The following EPHA3 variants were observed in gnomAD, a reference collection of about 807,000 sequenced individuals.
EPHA3 encodes ephrin type-A receptor 3.
Under a neutral mutation model 107.1 loss-of-function variants are expected in EPHA3, and 42 were observed. The observed-to-expected ratio is 0.39, with a 90% confidence interval of 0.31 to 0.51. The LOEUF is 0.51. Among genes scored for constraint, EPHA3 ranks in the 20% least tolerant of loss-of-function variants. EPHA3 has a pLI of 0.78. For missense variants in EPHA3, 1,183 were observed against 1,211.2 expected, an observed-to-expected ratio of 0.98 and a Z score of 0.35; for synonymous variants, 461 against 424.8, an observed-to-expected ratio of 1.09 and a Z score of -1.05.
intron 1 of EPHA3, among the ~76,000 whole-genome samples, chr3:89,116,515 G>A (rs890220606): frequency 6.6e-6 from 1 of 152,046 alleles, no homozygotes; most frequent in Non-Finnish European, 1.5e-5. Context: ...TTGAGAAAAG[G>A]TAGCTAAAAC....
intron 3 of EPHA3, among the ~76,000 whole-genome samples, chr3:89,327,699 A>G (rs1707195579): frequency 6.6e-6 from 1 of 152,122 alleles, no homozygotes; most frequent in Non-Finnish European, 1.5e-5. Context: ...TCTGAAGTGC[A>G]TCAATATACC....
chr3:89,230,939 C>T (rs757077410), intron 3 of EPHA3, among the ~76,000 whole-genome samples: 82 of 151,970 alleles, frequency 5.4e-4, no homozygotes, highest in Non-Finnish European at 8.7e-4. Flanking sequence ...TCGTGCCCAT[C>T]ATTGGCTTTC....
chr3:89,137,626 C>T (rs1397218421), intron 2 of EPHA3, among the ~76,000 whole-genome samples: 3 of 151,800 alleles, frequency 2.0e-5, no homozygotes, highest in Non-Finnish European at 4.4e-5. Flanking sequence ...TTTTTTCCTA[C>T]ATATGATGCT....
Position 89,481,522 on chromosome 3 carries a change from T to C in EPHA3, c.*2020T>C, listed in dbSNP as rs1477457106. The C allele has an allele frequency of 4.3e-6, 1 of 232,332 alleles. No individual in the cohort carries two copies. The highest frequency in any genetic ancestry group is 2.2e-5 in the African/African-American group (1 of 45,312). The allele number at this position is 232,332 out of a possible 1,614,324, so 14.4% of individuals were successfully genotyped here. A position where few individuals can be genotyped will look rare whatever the true frequency, so the allele number is the denominator to read the frequency against. ...TTTTTTCCCAGACTACTATTTTCTT[T>C]TTTAGGTACTATTCTGAGCATACTC... On this transcript the variant is annotated 3_prime_UTR_variant, in exon 17 of 17. Coordinates refer to ENST00000336596, the MANE Select transcript of EPHA3 (RefSeq NM_005233.6).
intron 5 of EPHA3, among the ~76,000 whole-genome samples, chr3:89,377,821 A>G (rs1708430077): frequency 1.3e-5 from 2 of 152,150 alleles, no homozygotes; most frequent in Admixed American, 6.5e-5. Flanking sequence ...TGCTTATATA[A>G]TAGTTTCATA....
intron 1 of EPHA3, among the ~76,000 whole-genome samples, chr3:89,119,319 C>T (rs111343933): frequency 0.016 from 2,423 of 152,062 alleles, 62 homozygotes; most frequent in African/African-American, 0.052. Context: ...ACTACACTAC[C>T]CAAAAATATC....
intron 16 of EPHA3, among the ~76,000 whole-genome samples, chr3:89,473,084 G>C (rs1710438971): frequency 6.6e-6 from 1 of 152,154 alleles, no homozygotes; most frequent in African/African-American, 2.4e-5. Context: ...TCTAAAACTG[G>C]TTTTCATAGT....
intron 3 of EPHA3, among the ~76,000 whole-genome samples, chr3:89,297,913 TA>T (rs1303038480): frequency 6.6e-6 from 1 of 152,086 alleles, no homozygotes; most frequent in African/African-American, 2.4e-5. Flanking sequence ...TGCATGCCTG[TA>T]ATCCCGGCTA....
At chr3:89,247,578 A>G (rs1177344949) in intron 3 of EPHA3, among the ~76,000 whole-genome samples, 4 of 152,134 alleles carry the variant, frequency 2.6e-5, no homozygotes. Flanking sequence ...CCAAAAGTAC[A>G]TAGGATTTGA....
chr3:89,478,752 G>A (rs901241794), intron 16 of EPHA3, among the ~76,000 whole-genome samples: 1 of 152,144 alleles, frequency 6.6e-6, no homozygotes, highest in Non-Finnish European at 1.5e-5. Flanking sequence ...AGATTCAAGG[G>A]AAAGAGATAA....
chr3:89,361,377 A>AT (rs1237474159), intron 5 of EPHA3, among the ~76,000 whole-genome samples: 1 of 150,746 alleles, frequency 6.6e-6, no homozygotes, highest in African/African-American at 2.4e-5. Context: ...TGATATATTT[A>AT]TTTTTTACCC....
rs1268950132 is a variant in EPHA3, at chr3:89,250,892, A to G, written c.814+40372A>G. 1.6e-4 allele frequency among the ~76,000 whole-genome samples: 24 copies of G among 152,310 alleles called. 1 individual carries two copies. The highest frequency in any genetic ancestry group is 1.3e-4 in the Non-Finnish European group (9 of 68,012). On this transcript the variant is annotated intron_variant, in intron 3 of 16. Transcript: ENST00000336596. ...AATGAATGCTTGGTGATATCTTTCTATAAGACTGTAAACTTCACAAGCAGC... is the reference window on the plus strand; with the variant it reads ...AATGAATGCTTGGTGATATCTTTCTGTAAGACTGTAAACTTCACAAGCAGC...
At chr3:89,177,980 A>C (rs1478100422) in intron 2 of EPHA3, among the ~76,000 whole-genome samples, 1 of 152,214 alleles carries the variant, frequency 6.6e-6, no homozygotes, top group Non-Finnish European at 1.5e-5. Flanking sequence ...ATGATAATGA[A>C]CATAATATCC....
At position 89,457,633 on chromosome 3, in the gene EPHA3, C is replaced by T. The variant is rs1342559196; in HGVS notation, c.2690+7263C>T. ...TTGGGGACCGCTGCGATAGATGATTCGTCAGGTGATGGAAGACTAAATGTC... is the reference window on the plus strand; with the variant it reads ...TTGGGGACCGCTGCGATAGATGATTTGTCAGGTGATGGAAGACTAAATGTC... On this transcript the variant is annotated intron_variant, in intron 15 of 16. Coordinates refer to ENST00000336596, the MANE Select transcript of EPHA3 (RefSeq NM_005233.6). 2.6e-5 allele frequency among the ~76,000 whole-genome samples: 4 copies of T among 152,130 alleles called. No individual in the cohort carries two copies. In the South Asian group the frequency reaches 6.2e-4, roughly 24 times the overall value.
Position 89,107,680 on chromosome 3 carries a change from C to T in EPHA3, c.-69C>T, listed in dbSNP as rs111643515. The T allele has an allele frequency of 2.3e-3, 3,214 of 1,393,746 alleles. 33 individuals are homozygous for T. The African/African-American group carries it at 0.025, about 11-fold the overall frequency. The allele number at this position is 1,393,746 out of a possible 1,614,324, so 86.3% of individuals were successfully genotyped here. ...ATGGTAACTTCTCCAGCAATCAGAG[C>T]GCTCCCCCTCACATCAGTGGCATGC... On this transcript the variant is annotated 5_prime_UTR_variant, in exon 1 of 17. Coordinates refer to ENST00000336596, the MANE Select transcript of EPHA3 (RefSeq NM_005233.6).
chr3:89,293,960 T>G (rs753622512), intron 3 of EPHA3, among the ~76,000 whole-genome samples: 3 of 152,202 alleles, frequency 2.0e-5, no homozygotes, highest in Non-Finnish European at 2.9e-5. Flanking sequence ...TAATTAAAAT[T>G]TGAATTTTAC....
intron 3 of EPHA3, among the ~76,000 whole-genome samples, chr3:89,263,590 C>G (rs867084290): frequency 6.6e-6 from 1 of 152,132 alleles, no homozygotes; most frequent in Non-Finnish European, 1.5e-5. Context: ...GGGCCAGATT[C>G]ATTTCTGAAG....
intron 16 of EPHA3, among the ~76,000 whole-genome samples, chr3:89,473,562 C>T (rs1009910574): frequency 6.6e-6 from 1 of 152,146 alleles, no homozygotes; most frequent in Non-Finnish European, 1.5e-5. Context: ...TTTTTCTGCA[C>T]AGTGACATTT....
chr3:89,228,419 CA>C (rs768913344), intron 3 of EPHA3, among the ~76,000 whole-genome samples: 4 of 151,990 alleles, frequency 2.6e-5, no homozygotes, highest in Non-Finnish European at 4.4e-5. Context: ...AGTCTATCTA[CA>C]ACTTCATTAT....
Sources: allele counts gnomAD v4.1 joint callset (sites outside exome capture counted in the v4.1 genomes callset), GRCh38; gene constraint gnomAD v4.1.1; transcripts MANE v1.5; gene names NCBI Gene and HGNC (gene_info 2026-07-23, HGNC 2026-07-21).